The following CCBE1 variants were observed in gnomAD, a reference collection of about 807,000 sequenced individuals.
CCBE1 encodes collagen and calcium-binding EGF domain-containing protein 1.
Under a neutral mutation model 50.0 loss-of-function variants are expected in CCBE1, and 37 were observed. The observed-to-expected ratio is 0.74, with a 90% CI of 0.57 to 0.97. The LOEUF (loss-of-function observed/expected upper bound fraction) is 0.97, where lower values mean the gene tolerates loss of function less well. Among genes scored for constraint, CCBE1 ranks in the 50% least tolerant of loss-of-function variants. The probability of loss-of-function intolerance (pLI) is 0.00; values close to 1 mark genes in which losing one functional copy is unlikely to be tolerated. For synonymous variants in CCBE1, 234 were observed against 203.7 expected, an observed-to-expected ratio of 1.15 and a Z score of -1.27; for missense variants, 538 against 523.8, an observed-to-expected ratio of 1.03 and a Z score of -0.26.
intron 2 of CCBE1, among the ~76,000 whole-genome samples, chr18:59,553,949 A>G (rs529508204): frequency 5.3e-5 from 8 of 152,204 alleles, no homozygotes; most frequent in South Asian, 4.1e-4. Context: ...TGGACATAAC[A>G]TCTGGAAGAC....
chr18:59,587,011 A>G (rs2053187836), intron 2 of CCBE1, among the ~76,000 whole-genome samples: 1 of 152,232 alleles, frequency 6.6e-6, no homozygotes, highest in Non-Finnish European at 1.5e-5. Flanking sequence ...ATGGAAATAA[A>G]ATCTTTAAGT....
intron 2 of CCBE1, among the ~76,000 whole-genome samples, chr18:59,621,327 C>T (rs1009737525): frequency 6.6e-6 from 1 of 152,176 alleles, no homozygotes; most frequent in Non-Finnish European, 1.5e-5. Flanking sequence ...CCTCATTCCC[C>T]TTGGACTTGG....
At chr18:59,526,648 T>G (rs887450926) in intron 2 of CCBE1, among the ~76,000 whole-genome samples, 2 of 152,204 alleles carry the variant, frequency 1.3e-5, no homozygotes, top group South Asian at 2.1e-4. Flanking sequence ...GGGCATTTAG[T>G]GCTATAAAAT....
chr18:59,558,516 C>T (rs1190278079), intron 2 of CCBE1, among the ~76,000 whole-genome samples: 1 of 152,198 alleles, frequency 6.6e-6, no homozygotes, highest in African/African-American at 2.4e-5. Context: ...CACTTGTTAT[C>T]ACAGCCATGT....
intron 2 of CCBE1, among the ~76,000 whole-genome samples, chr18:59,632,291 G>T (rs1237924532): frequency 6.6e-6 from 1 of 152,124 alleles, no homozygotes; most frequent in Admixed American, 6.6e-5. Flanking sequence ...TGACAATTGG[G>T]AACAATCTGG....
chr18:59,691,411 T>C (rs963058682), intron 2 of CCBE1, among the ~76,000 whole-genome samples: 12 of 152,264 alleles, frequency 7.9e-5, no homozygotes, highest in Admixed American at 3.9e-4. Context: ...TTTGTTTGTT[T>C]GTTTGTTTTT....
intron 2 of CCBE1, among the ~76,000 whole-genome samples, chr18:59,646,931 A>G (rs1200578243): frequency 2.0e-5 from 3 of 152,214 alleles, no homozygotes; most frequent in African/African-American, 4.8e-5. Context: ...ATACAAAGAT[A>G]ACCCCTAATC....
chr18:59,579,717 C>CG (rs1477429117), intron 2 of CCBE1, among the ~76,000 whole-genome samples: 3 of 152,334 alleles, frequency 2.0e-5, no homozygotes, highest in Middle Eastern at 3.4e-3. Context: ...GCTCTTACTG[C>CG]GTTAGTGTCT....
chr18:59,552,686 T>C (rs1944986), intron 2 of CCBE1, among the ~76,000 whole-genome samples: 112,634 of 152,154 alleles, frequency 0.74, 41,938 homozygotes, highest in East Asian at 0.88. Context: ...AAAAGGGAAA[T>C]ACCTGGTCAA....
At chr18:59,633,744 T>TTA (rs375734821) in intron 2 of CCBE1, among the ~76,000 whole-genome samples, 24 of 151,584 alleles carry the variant, frequency 1.6e-4, no homozygotes, top group African/African-American at 5.6e-4. Context: ...TTTTTTTTTT[T>TTA]AAAATAAAAC....
intron 2 of CCBE1, among the ~76,000 whole-genome samples, chr18:59,514,903 C>A (rs1462674463): frequency 6.6e-6 from 1 of 152,106 alleles, no homozygotes; most frequent in Non-Finnish European, 1.5e-5. Context: ...GATCCTAGCT[C>A]ACTTTACGCC....
chr18:59,632,309 G>T (rs2053859806), intron 2 of CCBE1, among the ~76,000 whole-genome samples: 1 of 152,158 alleles, frequency 6.6e-6, no homozygotes, highest in Admixed American at 6.5e-5. Context: ...TGGTTTTTTT[G>T]AGACTGAGTC....
chr18:59,632,512 C>A (rs995219531), intron 2 of CCBE1, among the ~76,000 whole-genome samples: 3 of 151,450 alleles, frequency 2.0e-5, no homozygotes, highest in Admixed American at 2.0e-4. Flanking sequence ...GGCCTCAGGT[C>A]ATCTACCTGC....
chr18:59,620,970 G>C (rs1283943334), intron 2 of CCBE1, among the ~76,000 whole-genome samples: 1 of 152,220 alleles, frequency 6.6e-6, no homozygotes, highest in Admixed American at 6.5e-5. Flanking sequence ...AAACCACAAA[G>C]GGTAAGGCAG....
intron 2 of CCBE1, among the ~76,000 whole-genome samples, chr18:59,504,007 T>G (rs1042803995): frequency 1.1e-4 from 16 of 152,350 alleles, no homozygotes; most frequent in African/African-American, 3.8e-4. Flanking sequence ...AGGCTTGCCT[T>G]GTTCATCTTT....
At chr18:59,445,922 C>A (rs1265805185) in intron 7 of CCBE1, among the ~76,000 whole-genome samples, 4 of 152,208 alleles carry the variant, frequency 2.6e-5, no homozygotes, top group African/African-American at 9.6e-5. Flanking sequence ...ACCACCAAAG[C>A]TAAGCAGATT....
chr18:59,443,215 T>C (rs1419327930), intron 7 of CCBE1, among the ~76,000 whole-genome samples: 1 of 152,120 alleles, frequency 6.6e-6, no homozygotes, highest in African/African-American at 2.4e-5. Flanking sequence ...CCGCTTTGTA[T>C]TGGGTTGGGT....
chr18:59,507,777 T>C (rs1264241464), intron 2 of CCBE1, among the ~76,000 whole-genome samples: 1 of 152,248 alleles, frequency 6.6e-6, no homozygotes, highest in Non-Finnish European at 1.5e-5. Flanking sequence ...ATTTCCTTTG[T>C]GATTAACAGT....
intron 10 of CCBE1, 151 bp downstream of exon 10, chr18:59,437,960 G>T: frequency 3.1e-6 from 2 of 644,592 alleles, no homozygotes; most frequent in South Asian, 2.1e-5. Flanking sequence ...GGGCTTCTAT[G>T]ACTCTCTTCC....
Sources: gnomAD v4.1 joint callset for allele counts (sites outside exome capture counted in the v4.1 genomes callset) on GRCh38, gnomAD v4.1.1 for gene constraint, MANE v1.5 for transcripts, NCBI Gene and HGNC (gene_info 2026-07-23, HGNC 2026-07-21) for gene names.